Variants in MYBPH observed in about 807,000 individuals in gnomAD.
MYBPH encodes the protein myosin-binding protein H.
A neutral mutation model predicts 53.6 loss-of-function variants in MYBPH; 49 were observed. That is an observed-to-expected ratio of 0.91 (90% CI 0.73 to 1.16). The LOEUF is 1.16. Ranked by LOEUF, MYBPH falls within the 50% of genes most tolerant of loss-of-function variation. The probability of loss-of-function intolerance (pLI) is 0.00; values close to 1 mark genes in which losing one functional copy is unlikely to be tolerated. For synonymous variants in MYBPH, 239 were observed against 249.6 expected, an observed-to-expected ratio of 0.96 and a Z score of 0.40; for missense variants, 558 against 624.1, an observed-to-expected ratio of 0.89 and a Z score of 1.13.
At chr1:203,178,499 C>A (rs1039013607), upstream of MYBPH, among the ~76,000 whole-genome samples, 15 of 152,216 alleles carry the variant, frequency 9.9e-5, no homozygotes, top group African/African-American at 3.6e-4. Context: ...ATGACATCTG[C>A]ATTTCCTGCT....
intron 3 of MYBPH, 117 bp downstream of exon 3, chr1:203,174,313 G>T: frequency 6.8e-7 from 1 of 1,465,166 alleles, no homozygotes; most frequent in Non-Finnish European, 9.0e-7. Flanking sequence ...GCTTGTGCAT[G>T]TGAGCGTGGG....
chr1:203,170,187 G>A (rs1655667887), intron 7 of MYBPH, 104 bp downstream of exon 7: 6 of 1,424,322 alleles, frequency 4.2e-6, no homozygotes, highest in Middle Eastern at 2.1e-4. Context: ...AGTGTTCCAG[G>A]GGCAGACGCC....
Position 203,171,904 on chromosome 1 carries a change from G to A in MYBPH, c.597+48C>T. The A allele has an allele frequency of 8.5e-7, 1 of 1,170,104 alleles. No homozygotes were observed. Among genetic ancestry groups the A allele is most frequent in the Non-Finnish European group, 1.1e-6 (1 of 903,020 alleles). 72.5% of individuals were successfully genotyped at this position (1,170,104 alleles called of 1,614,324 possible). A position where few individuals can be genotyped will look rare whatever the true frequency, so the allele number is the denominator to read the frequency against. On this transcript the variant is annotated intron_variant, in intron 4 of 10. Coordinates refer to ENST00000255416, the MANE Select transcript of MYBPH (RefSeq NM_004997.3). The surrounding 1 kb of genome is among the most constrained non-coding windows in gnomAD (Gnocchi z 4.2). ...TCTCCCAGGCTCCCCTTAAATGGGGGCCCTGGTTCCCACCCAGGCTGTTAC... is the reference window on the plus strand; with the variant it reads ...TCTCCCAGGCTCCCCTTAAATGGGGACCCTGGTTCCCACCCAGGCTGTTAC...
chr1:203,170,984 A>T (rs1655682944), intron 6 of MYBPH, 77 bp downstream of exon 6: 4 of 1,504,982 alleles, frequency 2.7e-6, no homozygotes, highest in Admixed American at 4.5e-5. Context: ...CTCGGTCCCT[A>T]GACTCAGTGG....
chr1:203,174,569 C>A lies in MYBPH; in HGVS notation c.369G>T (p.Arg123=), dbSNP rs1391394000. 1 of 1,608,068 alleles carries A rather than the reference C, an allele frequency of 6.2e-7. No homozygotes were observed. The highest frequency in any genetic ancestry group is 8.5e-7 in the Non-Finnish European group (1 of 1,175,206). Residue 123 remains arginine, a synonymous_variant, in exon 3 of 11, where the codon CGG becomes CGT. Transcript: ENST00000255416. ...GASEWVPVSA[R]PMMVTQQTVR... ...CAGTCTGCTGGGTCACCATCATGGGCCGGGCACTCACAGGCACCCACTCCG... is the reference window on the plus strand; with the variant it reads ...CAGTCTGCTGGGTCACCATCATGGGACGGGCACTCACAGGCACCCACTCCG...
chr1:203,178,407 GC>G (rs979780187), upstream of MYBPH, among the ~76,000 whole-genome samples: 3 of 152,200 alleles, frequency 2.0e-5, no homozygotes, highest in Non-Finnish European at 4.4e-5. Context: ...GTAATCGGCT[GC>G]CCCTCACTGG....
At chr1:203,169,459 A>G (rs1473954427) in intron 7 of MYBPH, 70 bp from the exon 8 acceptor site, 29 of 1,534,074 alleles carry the variant, frequency 1.9e-5, no homozygotes, top group South Asian at 4.8e-5. Flanking sequence ...AGGACTGACT[A>G]TGATTCAAGA....
upstream of MYBPH, among the ~76,000 whole-genome samples, chr1:203,177,172 G>A (rs764460276): frequency 9.2e-5 from 14 of 152,234 alleles, no homozygotes; most frequent in South Asian, 1.9e-3. Flanking sequence ...ATCCGTAGGC[G>A]GTAAGGCCAG....
chr1:203,171,503 CG>C lies in MYBPH; in HGVS notation c.672del (p.Asp226ThrfsTer38), dbSNP rs1558144521. ...ATGAAGAGGATGGAGTCCTGGTCCC[CG>C]GTGCGCATGCTCACCCGCTGGCTGT... ...ALDSQRVSMR[T>X]GDQDSILFIR... On this transcript the variant is annotated frameshift_variant, in exon 5 of 11. Coordinates refer to ENST00000255416, the MANE Select transcript of MYBPH (RefSeq NM_004997.3). LOFTEE classifies it high-confidence loss of function. The surrounding 1 kb of genome is among the most constrained non-coding windows in gnomAD (Gnocchi z 4.2). 6.2e-7 allele frequency: 1 copy of C among 1,613,794 alleles called. No homozygotes were observed. The highest frequency in any genetic ancestry group is 1.1e-5 in the South Asian group (1 of 91,078).
upstream of MYBPH, among the ~76,000 whole-genome samples, chr1:203,178,066 A>G (rs1465945682): frequency 2.0e-5 from 3 of 152,256 alleles, no homozygotes; most frequent in Non-Finnish European, 4.4e-5. Flanking sequence ...TAATCCAAAC[A>G]TCAGAGAATC....
rs768647027 is a variant in MYBPH at position 203,170,388 on chromosome 1, G to A, written c.996C>T (p.Ile332=). 1.5e-5 allele frequency: 25 copies of A among 1,614,074 alleles called. No homozygotes were observed. In the African/African-American group the frequency reaches 1.7e-4, roughly 11 times the overall value. ...PTTCTISDLI[I]GNSYSFRVFS... ...AGACCCGGAAGGAGTACGAGTTGCC[G>A]ATGATGAGGTCAGAGATGGTGCAGG... is the stretch of plus-strand genomic sequence containing the variant. Residue 332 remains isoleucine, a synonymous_variant, in exon 7 of 11, where the codon ATC becomes ATT. Coordinates refer to ENST00000255416, the MANE Select transcript of MYBPH (RefSeq NM_004997.3).
chr1:203,178,388 G>A (rs1347640907), upstream of MYBPH, among the ~76,000 whole-genome samples: 1 of 152,224 alleles, frequency 6.6e-6, no homozygotes, highest in Non-Finnish European at 1.5e-5. Flanking sequence ...GGAATGGGTT[G>A]CTTCCAAGGT....
chr1:203,168,696 A>G, intron 9 of MYBPH, 21 bp from the exon 10 acceptor site: 8 of 1,579,018 alleles, frequency 5.1e-6, no homozygotes, highest in Non-Finnish European at 6.9e-6. Flanking sequence ...TGCTGCAGTT[A>G]GAGCTTGGGG....
At chr1:203,168,525 GACC>G in intron 10 of MYBPH, 99 bp downstream of exon 10, 1 of 1,179,050 alleles carries the variant, frequency 8.5e-7, no homozygotes, top group Admixed American at 2.0e-5. Flanking sequence ...CCACAGAGCT[GACC>G]ACCACCTTCC....
In MYBPH at chr1:203,168,691, C is replaced by T. The variant is rs1435756821; in HGVS notation, c.1418-16G>A. ...GCGGCTGAGGCTGGAAGAGATGCTG[C>T]AGTTAGAGCTTGGGGGAAGTGGCGG... On this transcript the variant is annotated splice_polypyrimidine_tract_variant and intron_variant, in intron 9 of 10. Coordinates refer to ENST00000255416, the MANE Select transcript of MYBPH (RefSeq NM_004997.3). 1.3e-6 allele frequency: 2 copies of T among 1,574,402 alleles called. No homozygotes were observed. Among genetic ancestry groups the T allele is most frequent in the Admixed American group, 3.8e-5 (2 of 53,190 alleles).
chr1:203,174,596 G>A lies in MYBPH; in HGVS notation c.342C>T (p.Ala114=), dbSNP rs1269087901. 1.3e-6 allele frequency: 2 copies of A among 1,597,724 alleles called. No individual in the cohort carries two copies. Among genetic ancestry groups the A allele is most frequent in the Admixed American group, 3.4e-5 (2 of 59,506 alleles). The stretch of plus-strand genomic sequence containing the variant: ...GGGCACTCACAGGCACCCACTCCGA[G>A]GCTGAGGGGATGGAGAGAGTGTGAG... ...GYVLELCREG[A]SEWVPVSARP... The change falls in exon 3 of 11, where the codon GCC becomes GCT. Residue 114 remains alanine, a splice_region_variant and synonymous_variant. Transcript: ENST00000255416.
chr1:203,173,491 T>C (rs1395344815), intron 3 of MYBPH, among the ~76,000 whole-genome samples: 2 of 152,226 alleles, frequency 1.3e-5, no homozygotes, highest in African/African-American at 4.8e-5. Flanking sequence ...AGGGATGCCC[T>C]GGGCTCCTTG....
At position 203,168,937 on chromosome 1, in the gene MYBPH, C is replaced by A; in HGVS notation, c.1386G>T (p.Glu462Asp). The part of the protein sequence containing the change: ...YTCKAINVLG[E>D]ASVDCRLEVK... ...CCTCCAGCCGGCAGTCCACAGATGC[C>A]TCCCCCAGCACATTTATGGCCTTGC... The change falls in exon 9 of 11, where the codon GAG becomes GAT. Residue 462 changes from glutamate to aspartate, a missense_variant. Physicochemically the swap from Glu to Asp is conservative, Grantham distance 45. Transcript: ENST00000255416. The A allele has an allele frequency of 6.2e-7, 1 of 1,614,094 alleles. No individual in the cohort carries two copies. The highest frequency in any genetic ancestry group is 2.2e-5 in the East Asian group (1 of 44,886).
At position 203,169,032 on chromosome 1, in the gene MYBPH, G is replaced by C. The variant is rs1258446221; in HGVS notation, c.1291C>G (p.Leu431Val). The C allele has an allele frequency of 6.2e-7, 1 of 1,613,950 alleles. No individual in the cohort carries two copies. The highest frequency in any genetic ancestry group is 2.2e-5 in the East Asian group (1 of 44,884). Residue 431 changes from leucine to valine, a missense_variant, in exon 9 of 11, where the codon CTC (leucine) becomes GTC (valine). Coordinates refer to ENST00000255416, the MANE Select transcript of MYBPH (RefSeq NM_004997.3). The stretch of plus-strand genomic sequence containing the variant: ...AGGGTGCAGACGCCTTGCTCAGAGA[G>C]GGCGCGGTATTTGGGGTTGCCCTGG... ...EIQGNPKYRA[L>V]SEQGVCTLEI... is the part of the protein sequence containing the mutation.
Sources: allele counts gnomAD v4.1 joint callset (sites outside exome capture counted in the v4.1 genomes callset), GRCh38; gene constraint gnomAD v4.1.1; non-coding constraint Gnocchi (gnomAD v3.1); transcripts MANE v1.5; gene names NCBI Gene and HGNC (gene_info 2026-07-23, HGNC 2026-07-21).